The following KIF20B variants were observed in gnomAD, a reference collection of about 807,000 sequenced individuals.
KIF20B encodes kinesin-like protein KIF20B.
A neutral mutation model predicts 232.5 loss-of-function variants in KIF20B; 188 were observed. The observed-to-expected ratio is 0.81, with a 90% confidence interval of 0.72 to 0.91. The LOEUF (loss-of-function observed/expected upper bound fraction) is 0.91. KIF20B is among the 40% of genes least tolerant of loss of function. The pLI is 0.00. For missense variants in KIF20B, 2,154 were observed against 2,055.9 expected (o/e 1.05, Z -0.92); for synonymous variants, 712 against 683.0 (o/e 1.04, Z -0.66).
chr10:89,755,373 TCTTTC>T (rs1199965227), intron 26 of KIF20B, among the ~76,000 whole-genome samples: 1 of 150,664 alleles, frequency 6.6e-6, no homozygotes, highest in Admixed American at 6.6e-5. Flanking sequence ...TTTCCTTCCT[TCTTTC>T]CTTCCTTCCT....
chr10:89,735,632 G>C (rs558392288), intron 19 of KIF20B, among the ~76,000 whole-genome samples: 2 of 147,970 alleles, frequency 1.4e-5, no homozygotes, highest in South Asian at 2.2e-4. Context: ...CCGTCTCCTG[G>C]GTTCAAGCCA....
chr10:89,712,076 AATTGTCAC>A (rs1369991257), intron 6 of KIF20B, among the ~76,000 whole-genome samples: 2 of 151,244 alleles, frequency 1.3e-5, no homozygotes, highest in African/African-American at 4.9e-5. Context: ...TTTTCCTGTG[AATTGTCAC>A]ATGTTCTTTG....
At chr10:89,708,240 C>A (rs1401617738) in intron 2 of KIF20B, among the ~76,000 whole-genome samples, 1 of 145,104 alleles carries the variant, frequency 6.9e-6, no homozygotes, top group Non-Finnish European at 1.5e-5. Flanking sequence ...AGACGGAGTT[C>A]TGCTCTTGTT....
intron 21 of KIF20B, among the ~76,000 whole-genome samples, chr10:89,740,093 T>C (rs1454238588): frequency 6.6e-6 from 1 of 152,192 alleles, no homozygotes; most frequent in East Asian, 1.9e-4. Context: ...TTAGAGGATA[T>C]GAAGTGTTAT....
chr10:89,704,157 T>C (rs1327235470), intron 1 of KIF20B, among the ~76,000 whole-genome samples: 2 of 152,216 alleles, frequency 1.3e-5, no homozygotes, highest in Admixed American at 6.5e-5. Context: ...AGAGCTATTA[T>C]GCAAGGGCCA....
intron 31 of KIF20B, among the ~76,000 whole-genome samples, chr10:89,769,923 A>G (rs1187262043): frequency 6.6e-6 from 1 of 151,990 alleles, no homozygotes; most frequent in Non-Finnish European, 1.5e-5. Flanking sequence ...AGCAGGGGGC[A>G]GTTAAATTGA....
intron 7 of KIF20B, 123 bp from the exon 8 acceptor site, chr10:89,714,832 A>G (rs1352058118): frequency 2.3e-5 from 15 of 642,090 alleles, no homozygotes; most frequent in Non-Finnish European, 3.7e-5. Context: ...AGTTTTTAAC[A>G]TAGATGGTCA....
chr10:89,719,314 C>G lies in KIF20B; in HGVS notation c.1435-105C>G, dbSNP rs1842999042. 6 of 784,996 alleles carry G rather than the reference C, an allele frequency of 7.6e-6. No homozygotes were observed. The South Asian group carries it at 1.4e-4, about 18-fold the overall frequency. 48.6% of individuals were successfully genotyped at this position (784,996 alleles called of 1,614,324 possible). On this transcript the variant is annotated intron_variant, in intron 12 of 32. Transcript: ENST00000371728. ...TGTATGTTTGTTTGAATAGTTTTTC[C>G]TTAACACTTGAGTGTTCATTTGACT...
intron 5 of KIF20B, 71 bp downstream of exon 5, chr10:89,710,136 A>G (rs1842807362): frequency 2.2e-6 from 3 of 1,355,696 alleles, no homozygotes; most frequent in East Asian, 2.4e-5. Context: ...TTTATAATAC[A>G]TACATGTAGT....
intron 22 of KIF20B, among the ~76,000 whole-genome samples, chr10:89,745,619 G>A (rs1227650832): frequency 6.6e-6 from 1 of 151,464 alleles, no homozygotes; most frequent in East Asian, 1.9e-4. Flanking sequence ...TTTTTGAGAT[G>A]GAGTCTCGCT....
intron 29 of KIF20B, among the ~76,000 whole-genome samples, chr10:89,763,703 A>G (rs1367929445): frequency 1.3e-5 from 2 of 152,052 alleles, no homozygotes; most frequent in Non-Finnish European, 2.9e-5. Context: ...CTAGATGTGG[A>G]GATTTGGCAA....
At chr10:89,713,150 A>G (rs1024339148) in intron 6 of KIF20B, among the ~76,000 whole-genome samples, 2 of 152,130 alleles carry the variant, frequency 1.3e-5, no homozygotes, top group African/African-American at 2.4e-5. Flanking sequence ...ACTTGAGGCC[A>G]GGAGTTGGAG....
intron 5 of KIF20B, among the ~76,000 whole-genome samples, chr10:89,710,519 A>AT (rs1842815708): frequency 6.6e-6 from 1 of 152,198 alleles, no homozygotes; most frequent in Non-Finnish European, 1.5e-5. Context: ...AAGAGCCACC[A>AT]TGCCTGGCCT....
At chr10:89,730,299 G>A (rs1391411138) in intron 18 of KIF20B, among the ~76,000 whole-genome samples, 1 of 152,090 alleles carries the variant, frequency 6.6e-6, no homozygotes, top group Non-Finnish European at 1.5e-5. Context: ...TTAATAAGGT[G>A]GAGGAGCAAG....
chr10:89,750,741 C>A (rs1200384193), intron 23 of KIF20B, among the ~76,000 whole-genome samples: 1 of 152,114 alleles, frequency 6.6e-6, no homozygotes, highest in Non-Finnish European at 1.5e-5. Context: ...AGTCATTCTT[C>A]AAGGGCCAGA....
chr10:89,733,029 CA>C lies in KIF20B; in HGVS notation c.2519del (p.Gln840ArgfsTer48), dbSNP rs1843362475. On this transcript the variant is annotated frameshift_variant, in exon 19 of 33. Transcript: ENST00000371728. LOFTEE classifies it high-confidence loss of function. ...AAAAAGAGTAAATGAAAATGAACTT[CA>C]GCAAGATGAACCACCAGCAAAGAAA... ...ERKRVNENEL[Q>X]QDEPPAKKGS... 1 of 1,613,504 alleles carries C rather than the reference CA, an allele frequency of 6.2e-7. No homozygotes were observed. The highest frequency in any genetic ancestry group is 1.3e-5 in the African/African-American group (1 of 74,870).
Position 89,738,413 on chromosome 10 carries a change from A to C in KIF20B, c.3572A>C (p.Glu1191Ala), listed in dbSNP as rs766259228. ...TTAGAACAAGACATTTTGGAAAAGG[A>C]ATCTATCATCTTAAAGCTAGAAAGA... The part of the protein sequence containing the change: ...AKLEQDILEK[E>A]SIILKLERNL... The change falls in exon 20 of 33, where the codon GAA becomes GCA. Residue 1191 changes from glutamate to alanine, a missense_variant. Glu to Ala is a moderately radical substitution (Grantham distance 107, BLOSUM62 -1). Coordinates refer to ENST00000371728, the MANE Select transcript of KIF20B (RefSeq NM_001284259.2). 1.1e-5 allele frequency: 17 copies of C among 1,601,818 alleles called. No individual in the cohort carries two copies. Among genetic ancestry groups the C allele is most frequent in the Non-Finnish European group, 1.4e-5 (16 of 1,177,028 alleles).
chr10:89,721,421 G>A (rs1472100280), intron 13 of KIF20B, among the ~76,000 whole-genome samples: 1 of 152,024 alleles, frequency 6.6e-6, no homozygotes. Flanking sequence ...CCTGTAATTC[G>A]AGCACTTTGG....
chr10:89,761,274 T>C (rs935910577), intron 28 of KIF20B, among the ~76,000 whole-genome samples: 1 of 152,074 alleles, frequency 6.6e-6, no homozygotes, highest in Admixed American at 6.6e-5. Context: ...TCTAGTAAGG[T>C]AGATACATAA....
Sources: allele counts gnomAD v4.1 joint callset (sites outside exome capture counted in the v4.1 genomes callset), GRCh38; gene constraint gnomAD v4.1.1; transcripts MANE v1.5; gene names NCBI Gene and HGNC (gene_info 2026-07-23, HGNC 2026-07-21).